Variants in PKP2 observed in about 807,000 individuals in gnomAD.
PKP2 encodes plakophilin 2, also known as plakophilin-2.
Under a neutral mutation model 83.4 loss-of-function variants are expected in PKP2, and 73 were observed. The ratio of observed to expected loss-of-function variants is 0.88; its 90% CI spans 0.72 to 1.06. The LOEUF (loss-of-function observed/expected upper bound fraction) is 1.06. PKP2 is among the 50% of genes least tolerant of loss of function. The pLI, the probability that PKP2 is intolerant of heterozygous loss-of-function variation, is 0.00. For synonymous variants in PKP2, 409 were observed against 430.4 expected (o/e 0.95, Z 0.62); for missense variants, 966 against 1,065.4 (o/e 0.91, Z 1.30).
At chr12:32,888,854 A>G (rs1266746007) in intron 1 of PKP2, among the ~76,000 whole-genome samples, 2 of 148,210 alleles carry the variant, frequency 1.3e-5, no homozygotes, top group Non-Finnish European at 3.0e-5. Flanking sequence ...GCAGTGGTGC[A>G]TTCAGAGCTC....
Position 32,841,174 on chromosome 12 carries a change from T to C in PKP2, c.1410A>G (p.Lys470=), listed in dbSNP as rs779733487. ...GLLWNLSSND[K]LKNLMITEAL... is the part of the protein sequence containing the mutation. Reference sequence around the variant, plus strand: ...CTTCTGTTATCATGAGATTCTTGAGTTTGTCATTAGATGACAAATTCCACA... The same window carrying C: ...CTTCTGTTATCATGAGATTCTTGAGCTTGTCATTAGATGACAAATTCCACA... Residue 470 remains lysine (K), a synonymous_variant, in exon 6 of 13, where the codon AAA becomes AAG. Coordinates refer to ENST00000340811, the MANE Select transcript of PKP2 (RefSeq NM_001005242.3). 1.2e-6 allele frequency: 2 copies of C among 1,613,576 alleles called. No individual in the cohort carries two copies. Among genetic ancestry groups the C allele is most frequent in the Non-Finnish European group, 1.7e-6 (2 of 1,179,710 alleles).
chr12:32,795,546 AATTTTTGT>A (rs1461079435), intron 11 of PKP2, among the ~76,000 whole-genome samples: 1 of 152,032 alleles, frequency 6.6e-6, no homozygotes, highest in African/African-American at 2.4e-5. Context: ...ACACCCAGCT[AATTTTTGT>A]ATTTTTACTA....
At chr12:32,849,630 C>T (rs189736791) in intron 5 of PKP2, among the ~76,000 whole-genome samples, 16 of 152,300 alleles carry the variant, frequency 1.1e-4, no homozygotes, top group African/African-American at 2.2e-4. Context: ...TTTTATCATA[C>T]GACTGTTCAT....
chr12:32,869,210 C>T, intron 3 of PKP2, 148 bp from the exon 4 acceptor site: 1 of 857,228 alleles, frequency 1.2e-6, no homozygotes, highest in East Asian at 2.5e-5. Context: ...AAAATCAGCA[C>T]CCAAGATCAC....
chr12:32,883,688 A>G (rs988586443), intron 1 of PKP2, among the ~76,000 whole-genome samples: 3 of 152,226 alleles, frequency 2.0e-5, no homozygotes, highest in Non-Finnish European at 4.4e-5. Flanking sequence ...TACATTGAAG[A>G]AATCCGTAGG....
chr12:32,832,845 C>A (rs1011268231), intron 6 of PKP2, among the ~76,000 whole-genome samples: 3 of 152,176 alleles, frequency 2.0e-5, no homozygotes, highest in African/African-American at 7.2e-5. Flanking sequence ...GAAAATTAGA[C>A]CCTGATTTAA....
chr12:32,808,654 T>A (rs1956247753), intron 9 of PKP2, among the ~76,000 whole-genome samples: 1 of 152,214 alleles, frequency 6.6e-6, no homozygotes, highest in South Asian at 2.1e-4. Context: ...CTCATCTTTG[T>A]GGGCTTATCT....
chr12:32,799,097 C>T (rs1956156194), intron 10 of PKP2, among the ~76,000 whole-genome samples: 1 of 152,010 alleles, frequency 6.6e-6, no homozygotes, highest in Admixed American at 6.6e-5. Context: ...AAAAAGTGGG[C>T]TAAGGACATG....
rs1325799636 is a variant in PKP2 at position 32,793,743 on chromosome 12, A to C, written c.2358-1012T>G. On this transcript the variant is annotated intron_variant, in intron 11 of 12. Coordinates refer to ENST00000340811, the MANE Select transcript of PKP2 (RefSeq NM_001005242.3). ...CCGAAGTAGCTGGGACTACAGGCGC[A>C]TGCCACCACGCCAGGCTAATTTTTT... 3.3e-5 allele frequency among the ~76,000 whole-genome samples: 5 copies of C among 149,662 alleles called. No individual in the cohort carries two copies. The East Asian group carries it at 5.9e-4, about 18-fold the overall frequency.
chr12:32,834,163 A>G (rs1224060560), intron 6 of PKP2, among the ~76,000 whole-genome samples: 1 of 152,184 alleles, frequency 6.6e-6, no homozygotes, highest in Non-Finnish European at 1.5e-5. Flanking sequence ...ATCTCTTACC[A>G]AATGCATTGT....
intron 2 of PKP2, among the ~76,000 whole-genome samples, 175 bp from the exon 3 acceptor site, chr12:32,878,718 C>G (rs1956958929): frequency 6.6e-6 from 1 of 152,134 alleles, no homozygotes; most frequent in South Asian, 2.1e-4. Context: ...TGACTTGAGT[C>G]ATATTTATTT....
chr12:32,836,445 A>G (rs1406587396), intron 6 of PKP2, among the ~76,000 whole-genome samples: 1 of 152,348 alleles, frequency 6.6e-6, no homozygotes, highest in African/African-American at 2.4e-5. Context: ...TCACTAACAC[A>G]AGTTCATTAG....
intron 4 of PKP2, among the ~76,000 whole-genome samples, chr12:32,858,117 T>TG (rs1956770173): frequency 4.8e-5 from 4 of 84,188 alleles, no homozygotes; most frequent in African/African-American, 2.0e-4. Flanking sequence ...ATATATATAT[T>TG]TATATATATT....
chr12:32,889,376 A>T (rs552280579), intron 1 of PKP2, among the ~76,000 whole-genome samples: 1 of 152,316 alleles, frequency 6.6e-6, no homozygotes, highest in African/African-American at 2.4e-5. Flanking sequence ...GATTTTAGAA[A>T]GTTCACTCTA....
At chr12:32,816,365 A>C (rs1280373907) in intron 9 of PKP2, among the ~76,000 whole-genome samples, 1 of 152,168 alleles carries the variant, frequency 6.6e-6, no homozygotes, top group Non-Finnish European at 1.5e-5. Flanking sequence ...GCATTAATTC[A>C]CTTAGGATAA....
intron 6 of PKP2, among the ~76,000 whole-genome samples, chr12:32,832,747 C>CAGA (rs1258009132): frequency 6.6e-6 from 1 of 152,118 alleles, no homozygotes; most frequent in African/African-American, 2.4e-5. Context: ...GAAGTAAATG[C>CAGA]ATTTAGATTC....
At chr12:32,848,989 T>C (rs1956672370) in intron 5 of PKP2, among the ~76,000 whole-genome samples, 1 of 146,546 alleles carries the variant, frequency 6.8e-6, no homozygotes, top group South Asian at 2.2e-4. Flanking sequence ...CAGAACACTG[T>C]CAACTATTAC....
At chr12:32,884,844 C>T (rs1415344577) in intron 1 of PKP2, among the ~76,000 whole-genome samples, 4 of 148,798 alleles carry the variant, frequency 2.7e-5, no homozygotes, top group African/African-American at 9.9e-5. Flanking sequence ...CTGGTGACTT[C>T]TGATTGACCC....
At chr12:32,831,801 G>T (rs1314693226) in intron 6 of PKP2, among the ~76,000 whole-genome samples, 1 of 152,190 alleles carries the variant, frequency 6.6e-6, no homozygotes, top group African/African-American at 2.4e-5. Flanking sequence ...ATAGTCTGAA[G>T]AACAGGGACC....
Sources: allele counts gnomAD v4.1 joint callset (sites outside exome capture counted in the v4.1 genomes callset), GRCh38; gene constraint gnomAD v4.1.1; transcripts MANE v1.5; gene names NCBI Gene and HGNC (gene_info 2026-07-23, HGNC 2026-07-21).